The following XRRA1 variants were observed in gnomAD, a reference collection of about 807,000 sequenced individuals.
XRRA1 encodes X-ray radiation resistance associated 1.
Under a neutral mutation model 80.2 loss-of-function variants are expected in XRRA1, and 69 were observed. The observed-to-expected ratio is 0.86, with a 90% confidence interval of 0.71 to 1.05. XRRA1 has a LOEUF of 1.05. Among genes scored for constraint, XRRA1 ranks in the 50% least tolerant of loss-of-function variants. The probability of loss-of-function intolerance (pLI) is 0.00; values close to 1 mark genes in which losing one functional copy is unlikely to be tolerated. For missense variants in XRRA1, 967 were observed against 976.4 expected (o/e 0.99, Z 0.13); for synonymous variants, 348 against 389.9 (o/e 0.89, Z 1.27).
At chr11:74,925,912 A>G (rs909420159) in intron 7 of XRRA1, among the ~76,000 whole-genome samples, 3 of 152,230 alleles carry the variant, frequency 2.0e-5, no homozygotes, top group African/African-American at 7.2e-5. Flanking sequence ...GCAAGTTCTT[A>G]AGAAGCTCCC....
At chr11:74,943,524 G>GGTGTGTGTGTGTGCGTGTGTGTGTGT (rs1946797540) in intron 2 of XRRA1, among the ~76,000 whole-genome samples, 1 of 137,762 alleles carries the variant, frequency 7.3e-6, no homozygotes, top group African/African-American at 2.7e-5. Context: ...AGAGTAGGAG[G>GGTGTGTGTGTGTGCGTGTGTGTGTGT]GTGTGTGTGT....
At chr11:74,891,450 C>T (rs564571035) in intron 10 of XRRA1, among the ~76,000 whole-genome samples, 1 of 152,178 alleles carries the variant, frequency 6.6e-6, no homozygotes, top group Non-Finnish European at 1.5e-5. Context: ...CAATATCATA[C>T]TGAATGGGCA....
chr11:74,848,897 G>A (rs903002161), intron 14 of XRRA1, among the ~76,000 whole-genome samples: 2 of 152,244 alleles, frequency 1.3e-5, no homozygotes, highest in East Asian at 1.9e-4. Context: ...CAGGGACTCC[G>A]AGGAGAGGGT....
At chr11:74,897,618 T>C (rs1001646176) in intron 10 of XRRA1, among the ~76,000 whole-genome samples, 1 of 144,600 alleles carries the variant, frequency 6.9e-6, no homozygotes, top group African/African-American at 2.6e-5. Flanking sequence ...AGAAACAACA[T>C]ACAATGGAGC....
chr11:74,881,060 G>A (rs1251290437), intron 10 of XRRA1, among the ~76,000 whole-genome samples: 1 of 145,124 alleles, frequency 6.9e-6, no homozygotes. Context: ...TTGACAGTGG[G>A]GTGTTAAAGT....
chr11:74,867,953 C>A lies in XRRA1; in HGVS notation c.1004-4932G>T, dbSNP rs1164536223. Among the ~76,000 whole-genome samples the A allele has an allele frequency of 2.4e-5, 3 of 125,612 alleles. No homozygotes were observed. The East Asian group carries it at 7.1e-4, about 30-fold the overall frequency. The allele number at this position is 125,612 out of a possible 152,430, so 82.4% of individuals were successfully genotyped here. A position where few individuals can be genotyped will look rare whatever the true frequency, so the allele number is the denominator to read the frequency against. On this transcript the variant is annotated intron_variant, in intron 10 of 18. Coordinates refer to ENST00000684022, the MANE Select transcript of XRRA1 (RefSeq NM_001378157.1). The stretch of plus-strand genomic sequence containing the variant: ...TTTTTTTTTCTGAGACAGAGTCTTG[C>A]TCCCGTCATCCAGGCTGGAGTACAA...
intron 3 of XRRA1, 124 bp downstream of exon 3, chr11:74,940,661 G>A: frequency 1.3e-6 from 1 of 761,446 alleles, no homozygotes. Context: ...AGGACTGGAG[G>A]GGGAAGGATT....
At chr11:74,926,871 G>A (rs996429615) in intron 7 of XRRA1, among the ~76,000 whole-genome samples, 2 of 151,598 alleles carry the variant, frequency 1.3e-5, no homozygotes, top group African/African-American at 2.4e-5. Flanking sequence ...ACTCATCTCC[G>A]AGGTTATGGA....
chr11:74,903,353 A>G (rs530328191), intron 10 of XRRA1, among the ~76,000 whole-genome samples: 25 of 152,328 alleles, frequency 1.6e-4, no homozygotes, highest in African/African-American at 5.8e-4. Flanking sequence ...CAGTAAGGGA[A>G]GAGATGTGTG....
At chr11:74,935,030 C>A (rs1000174159) in intron 4 of XRRA1, among the ~76,000 whole-genome samples, 1 of 152,176 alleles carries the variant, frequency 6.6e-6, no homozygotes, top group African/African-American at 2.4e-5. Flanking sequence ...CAGCTCCAAG[C>A]AATAAGTCGT....
chr11:74,848,241 G>A lies in XRRA1; in HGVS notation c.1602C>T (p.Ile534=). 6.2e-7 allele frequency: 1 copy of A among 1,613,992 alleles called. No homozygotes were observed. The highest frequency in any genetic ancestry group is 8.5e-7 in the Non-Finnish European group (1 of 1,179,888). ...CACTATGCACAGTGGAGTTGGAGCA[G>A]ATGGGAGGCAGTGGCACGAAGGTCC... is the stretch of plus-strand genomic sequence containing the variant. ...SCRTFVPLPP[I]CSNSTVHSEE... is the part of the protein sequence containing the mutation. The change falls in exon 15 of 19, where the codon ATC becomes ATT. Residue 534 remains isoleucine, a synonymous_variant. Coordinates refer to ENST00000684022, the MANE Select transcript of XRRA1 (RefSeq NM_001378157.1).
intron 4 of XRRA1, among the ~76,000 whole-genome samples, chr11:74,936,076 C>G (rs993414945): frequency 2.6e-5 from 4 of 152,176 alleles, no homozygotes; most frequent in African/African-American, 9.7e-5. Flanking sequence ...TATGCAGGCA[C>G]CCATCTCTTG....
intron 4 of XRRA1, among the ~76,000 whole-genome samples, chr11:74,935,227 A>G (rs553567121): frequency 6.6e-6 from 1 of 152,326 alleles, no homozygotes; most frequent in African/African-American, 2.4e-5. Context: ...TCAGGATGTT[A>G]TATTCTGTAT....
rs1451524026 is a variant in XRRA1 at position 74,854,866 on chromosome 11, T to A, written c.1171-2784A>T. ...AACCCCGTCTCTACTAAAAAAAAAA[T>A]ACAAAACAACAACAACAACAAAACC... On this transcript the variant is annotated intron_variant, in intron 12 of 18. Coordinates refer to ENST00000684022, the MANE Select transcript of XRRA1 (RefSeq NM_001378157.1). 3.3e-5 allele frequency among the ~76,000 whole-genome samples: 5 copies of A among 150,710 alleles called. No individual in the cohort carries two copies. The South Asian group carries it at 6.3e-4, about 19-fold the overall frequency.
At chr11:74,900,494 ATC>A (rs1373998003) in intron 10 of XRRA1, among the ~76,000 whole-genome samples, 1 of 152,154 alleles carries the variant, frequency 6.6e-6, no homozygotes, top group African/African-American at 2.4e-5. Flanking sequence ...AGGCAGGAGA[ATC>A]ACTTGAACCT....
At chr11:74,941,202 C>T (rs1398929094) in intron 2 of XRRA1, among the ~76,000 whole-genome samples, 2 of 152,184 alleles carry the variant, frequency 1.3e-5, no homozygotes, top group Non-Finnish European at 1.5e-5. Flanking sequence ...AGTTACTCTA[C>T]TCCTCTGAAC....
At chr11:74,853,955 A>C (rs2040483908) in intron 12 of XRRA1, among the ~76,000 whole-genome samples, 1 of 152,076 alleles carries the variant, frequency 6.6e-6, no homozygotes, top group Admixed American at 6.5e-5. Flanking sequence ...TGAGGACCTA[A>C]ATTTGACAAG....
At chr11:74,907,331 C>T in intron 8 of XRRA1, 58 bp from the exon 9 acceptor site, 3 of 1,600,996 alleles carry the variant, frequency 1.9e-6, no homozygotes, top group South Asian at 2.2e-5. Context: ...TCCACCATTC[C>T]CAGGAAGCCA....
intron 10 of XRRA1, among the ~76,000 whole-genome samples, chr11:74,890,931 C>A (rs563381305): frequency 7.9e-5 from 12 of 151,940 alleles, no homozygotes; most frequent in Admixed American, 2.0e-4. Context: ...AACCAAAAAA[C>A]GTCCAGGACC....
Sources: allele counts gnomAD v4.1 joint callset (sites outside exome capture counted in the v4.1 genomes callset), GRCh38; gene constraint gnomAD v4.1.1; transcripts MANE v1.5; gene names NCBI Gene and HGNC (gene_info 2026-07-23, HGNC 2026-07-21).